Variants in EPHB1 observed in about 807,000 individuals in gnomAD.
The protein encoded by EPHB1 is ephrin type-B receptor 1.
Under a neutral mutation model 94.4 loss-of-function variants are expected in EPHB1, and 30 were observed. The observed-to-expected ratio is 0.32, with a 90% confidence interval of 0.24 to 0.43. The LOEUF is 0.43. EPHB1 is among the 20% of genes least tolerant of loss of function. EPHB1 has a pLI of 1.00. For missense variants in EPHB1, 1,055 were observed against 1,308.3 expected, an observed-to-expected ratio of 0.81 and a Z score of 2.99; for synonymous variants, 522 against 489.1, an observed-to-expected ratio of 1.07 and a Z score of -0.89.
chr3:134,829,988 G>A (rs765027927), intron 1 of EPHB1, among the ~76,000 whole-genome samples: 4 of 152,132 alleles, frequency 2.6e-5, no homozygotes, highest in Admixed American at 6.5e-5. Context: ...TGCCAACACC[G>A]TGATTTCAGA....
chr3:135,039,475 G>A (rs1936759880), intron 3 of EPHB1, among the ~76,000 whole-genome samples: 1 of 152,214 alleles, frequency 6.6e-6, no homozygotes, highest in Non-Finnish European at 1.5e-5. Flanking sequence ...CGTGGAGTAG[G>A]GGGTGGTGCT....
intron 9 of EPHB1, among the ~76,000 whole-genome samples, chr3:135,173,078 A>G (rs929019017): frequency 1.4e-5 from 2 of 140,026 alleles, no homozygotes; most frequent in African/African-American, 5.5e-5. Flanking sequence ...TCTGTCGCCC[A>G]GGCTGGAGTG....
intron 3 of EPHB1, among the ~76,000 whole-genome samples, chr3:135,028,875 T>A (rs1231383645): frequency 2.9e-5 from 3 of 103,016 alleles, no homozygotes; most frequent in Admixed American, 2.3e-4. Flanking sequence ...TCTTTGTAGG[T>A]CACTCAGGAC....
intron 3 of EPHB1, among the ~76,000 whole-genome samples, chr3:135,093,915 A>G (rs1474488596): frequency 1.3e-5 from 2 of 152,158 alleles, no homozygotes; most frequent in Admixed American, 6.5e-5. Context: ...GGTTTTCACC[A>G]TCTTTCTTGA....
chr3:135,002,186 A>AAATCTCCTCTCAAATTGT (rs1457849751), intron 3 of EPHB1, among the ~76,000 whole-genome samples: 2 of 152,208 alleles, frequency 1.3e-5, no homozygotes, highest in Non-Finnish European at 2.9e-5. Context: ...GTCCCCACCC[A>AAATCTCCTCTCAAATTGT]AATCTCCTCT....
chr3:135,131,652 G>T (rs1250354216), intron 4 of EPHB1, among the ~76,000 whole-genome samples: 1 of 152,206 alleles, frequency 6.6e-6, no homozygotes, highest in African/African-American at 2.4e-5. Context: ...GCCCAGCATT[G>T]TGGCCGTTAA....
At chr3:135,047,305 G>C (rs1357379553) in intron 3 of EPHB1, among the ~76,000 whole-genome samples, 1 of 152,226 alleles carries the variant, frequency 6.6e-6, no homozygotes, top group Admixed American at 6.5e-5. Context: ...CAGAAGGTGA[G>C]AAACTGTCAT....
At chr3:135,047,189 TGGAG>T (rs1255261473) in intron 3 of EPHB1, among the ~76,000 whole-genome samples, 1 of 152,134 alleles carries the variant, frequency 6.6e-6, no homozygotes, top group South Asian at 2.1e-4. Flanking sequence ...AAGGCCCTGA[TGGAG>T]GGAGAGAGAG....
At chr3:134,895,910 A>G (rs1180674220) in intron 1 of EPHB1, among the ~76,000 whole-genome samples, 1 of 152,166 alleles carries the variant, frequency 6.6e-6, no homozygotes, top group Non-Finnish European at 1.5e-5. Context: ...AGTTACAGCA[A>G]AATGTCCCAA....
chr3:135,072,856 A>C (rs996094630), intron 3 of EPHB1, among the ~76,000 whole-genome samples: 2 of 152,178 alleles, frequency 1.3e-5, no homozygotes, highest in Admixed American at 6.5e-5. Flanking sequence ...TGGAAGCTCC[A>C]TGAGAGTGTT....
rs2035799117 is a variant in EPHB1 at position 134,795,343 on chromosome 3, C to T, written c.-289C>T. The T allele has an allele frequency of 1.0e-5, 5 of 495,836 alleles. No homozygotes were observed. In the South Asian group the frequency reaches 1.4e-4, roughly 14 times the overall value. The allele number at this position is 495,836 out of a possible 1,614,324, so 30.7% of individuals were successfully genotyped here. The stretch of plus-strand genomic sequence containing the variant: ...ACGCACTCGCTCTCGCGCGCTCTCC[C>T]AGGCTCGTTCTCCCTCGCCCTCTCT... On this transcript the variant is annotated 5_prime_UTR_variant, in exon 1 of 16. Coordinates refer to ENST00000398015, the MANE Select transcript of EPHB1 (RefSeq NM_004441.5).
At chr3:135,236,134 A>G (rs1344948575) in intron 12 of EPHB1, among the ~76,000 whole-genome samples, 1 of 152,222 alleles carries the variant, frequency 6.6e-6, no homozygotes, top group African/African-American at 2.4e-5. Context: ...CTGGAGGCTG[A>G]AAGTCTGAGA....
chr3:135,041,214 T>A (rs1936832318), intron 3 of EPHB1, among the ~76,000 whole-genome samples: 1 of 152,160 alleles, frequency 6.6e-6, no homozygotes, highest in South Asian at 2.1e-4. Flanking sequence ...TTCTCTCTTC[T>A]TGTTTTTGCC....
intron 3 of EPHB1, among the ~76,000 whole-genome samples, chr3:135,035,585 T>C (rs1335116254): frequency 6.6e-6 from 1 of 152,146 alleles, no homozygotes; most frequent in Non-Finnish European, 1.5e-5. Context: ...GTGTTCTGTT[T>C]TGGGGCTTGG....
chr3:134,822,993 T>C (rs2036410502), intron 1 of EPHB1, among the ~76,000 whole-genome samples: 1 of 152,188 alleles, frequency 6.6e-6, no homozygotes, highest in Non-Finnish European at 1.5e-5. Flanking sequence ...ATGATAATGC[T>C]TAGCCTTTGG....
chr3:135,022,035 A>G (rs1936002167), intron 3 of EPHB1, among the ~76,000 whole-genome samples: 1 of 152,188 alleles, frequency 6.6e-6, no homozygotes, highest in Non-Finnish European at 1.5e-5. Flanking sequence ...GCTGGAGTGC[A>G]GTGGCACGAT....
intron 4 of EPHB1, among the ~76,000 whole-genome samples, chr3:135,127,725 C>T (rs748073712): frequency 8.8e-4 from 134 of 152,284 alleles, no homozygotes; most frequent in African/African-American, 3.1e-3. Flanking sequence ...CCCTGTCTCA[C>T]CATTCTTTAA....
At chr3:135,216,669 G>A (rs1943154871) in intron 12 of EPHB1, among the ~76,000 whole-genome samples, 2 of 143,552 alleles carry the variant, frequency 1.4e-5, no homozygotes, top group African/African-American at 5.2e-5. Context: ...GTTGCAGTGA[G>A]CCGAGATCAT....
chr3:134,826,251 C>CA (rs34084951), intron 1 of EPHB1, among the ~76,000 whole-genome samples: 20,052 of 118,870 alleles, frequency 0.17, 2,427 homozygotes, highest in African/African-American at 0.35. Context: ...GACTCCATCT[C>CA]AAAAAAAAAA....
Sources: gnomAD v4.1 joint callset for allele counts (sites outside exome capture counted in the v4.1 genomes callset) on GRCh38, gnomAD v4.1.1 for gene constraint, MANE v1.5 for transcripts, NCBI Gene and HGNC (gene_info 2026-07-23, HGNC 2026-07-21) for gene names.